The following USP12 variants were observed in gnomAD, a reference collection of about 807,000 sequenced individuals.
The protein encoded by USP12 is ubiquitin specific peptidase 12, also known as ubiquitin carboxyl-terminal hydrolase 12.
A neutral mutation model predicts 45.5 loss-of-function variants in USP12; 19 were observed. The ratio of observed to expected loss-of-function variants is 0.42; its 90% CI spans 0.29 to 0.61. USP12 has a LOEUF of 0.61. Ranked by LOEUF, USP12 falls within the 20% of genes least tolerant of loss-of-function variation. The pLI is 0.22. For missense variants in USP12, 242 were observed against 447.7 expected, an observed-to-expected ratio of 0.54 and a Z score of 4.15; for synonymous variants, 149 against 148.8, an observed-to-expected ratio of 1.00 and a Z score of -0.01.
intron 3 of USP12, among the ~76,000 whole-genome samples, chr13:27,096,971 C>A (rs903335705): frequency 2.0e-5 from 3 of 151,744 alleles, no homozygotes; most frequent in Admixed American, 6.6e-5. Flanking sequence ...AAATTAAGTT[C>A]TATGTATTAG....
chr13:27,119,763 G>C (rs532165656), intron 1 of USP12, among the ~76,000 whole-genome samples: 8 of 152,356 alleles, frequency 5.3e-5, no homozygotes, highest in African/African-American at 1.9e-4. Flanking sequence ...TGATGGCTAG[G>C]ACAGACTGAC....
chr13:27,087,251 ATGTGTGTGTGTGTGTG>A (rs55816785), intron 6 of USP12, among the ~76,000 whole-genome samples: 35 of 143,772 alleles, frequency 2.4e-4, no homozygotes, highest in East Asian at 4.1e-4. Flanking sequence ...GTGGGGAGGG[ATGTGTGTGTGTGTGTG>A]TGTGTGTGTG....
At position 27,105,877 on chromosome 13, in the gene USP12, T is replaced by C. The variant is rs1294085712; in HGVS notation, c.197A>G (p.Lys66Arg). 5.6e-6 allele frequency: 9 copies of C among 1,613,684 alleles called. No individual in the cohort carries two copies. Among genetic ancestry groups the C allele is most frequent in the Non-Finnish European group, 7.6e-6 (9 of 1,179,830 alleles). The change falls in exon 3 of 9, where the codon AAA becomes AGA. Residue 66 changes from lysine to arginine, a missense_variant. Lys to Arg is a conservative substitution (Grantham distance 26, BLOSUM62 2). Coordinates refer to ENST00000282344, the MANE Select transcript of USP12 (RefSeq NM_182488.4). Reference protein sequence around the residue: ...ALYFCRPFREKVLAYKSQPRK... With the variant: ...ALYFCRPFRERVLAYKSQPRK... ...AGGTTGACTCTTATACGCAAGAACT[T>C]TTTCCCGAAATGGACGACAAAAATA... is the stretch of plus-strand genomic sequence containing the variant.
intron 1 of USP12, among the ~76,000 whole-genome samples, chr13:27,145,285 C>G (rs761758706): frequency 1.3e-5 from 2 of 152,132 alleles, no homozygotes; most frequent in Non-Finnish European, 2.9e-5. Context: ...AATGGTAGCT[C>G]CTAAGAATCA....
chr13:27,136,355 G>A (rs1023545740), intron 1 of USP12, among the ~76,000 whole-genome samples: 3 of 152,080 alleles, frequency 2.0e-5, no homozygotes, highest in Non-Finnish European at 2.9e-5. Flanking sequence ...AAAATCAGCC[G>A]GGCATGGTGG....
intron 1 of USP12, 34 bp downstream of exon 1, chr13:27,171,558 C>T (rs2137856770): frequency 8.1e-7 from 1 of 1,230,490 alleles, no homozygotes; most frequent in Non-Finnish European, 1.1e-6. Context: ...CGAGAGGTCC[C>T]GGCAGCCCCG....
chr13:27,088,940 G>A (rs1874191992), intron 6 of USP12, among the ~76,000 whole-genome samples: 1 of 152,158 alleles, frequency 6.6e-6, no homozygotes, highest in Admixed American at 6.5e-5. Context: ...AACAGGACAT[G>A]ATGAGAAAAA....
At chr13:27,121,388 A>G (rs1437064046) in intron 1 of USP12, among the ~76,000 whole-genome samples, 1 of 152,164 alleles carries the variant, frequency 6.6e-6, no homozygotes, top group Non-Finnish European at 1.5e-5. Flanking sequence ...TCCACTCCAC[A>G]AAAGGCAGAA....
In USP12 at chr13:27,069,183, T is replaced by G. The variant is rs1873124442; in HGVS notation, c.*100A>C. ...CAAAGTGTGCTACTGCCCCCTGAGC[T>G]TCCTGCATTTCTCTTTTCTTGAAAA... On this transcript the variant is annotated 3_prime_UTR_variant, in exon 9 of 9. Transcript: ENST00000282344. 2.0e-6 allele frequency: 2 copies of G among 997,618 alleles called. No homozygotes were observed. The highest frequency in any genetic ancestry group is 3.1e-6 in the Non-Finnish European group (2 of 639,632). 61.8% of individuals were successfully genotyped at this position (997,618 alleles called of 1,614,324 possible). A position where few individuals can be genotyped will look rare whatever the true frequency, so the allele number is the denominator to read the frequency against.
In USP12 at chr13:27,090,132, T is replaced by TA; in HGVS notation, c.599dup (p.Leu200PhefsTer6). ...TTTGTTCCACGTCAACAGAAAGGTC[T>TA]AAAAAATCTTCATCTTTGCTGCTTA... On this transcript the variant is annotated frameshift_variant, in exon 5 of 9. Transcript: ENST00000282344. LOFTEE classifies it high-confidence loss of function. 6.3e-7 allele frequency: 1 copy of TA among 1,577,744 alleles called. No individual in the cohort carries two copies. The highest frequency in any genetic ancestry group is 8.7e-7 in the Non-Finnish European group (1 of 1,154,588).
chr13:27,108,951 T>TA (rs2137789950), intron 2 of USP12, among the ~76,000 whole-genome samples: 1 of 152,284 alleles, frequency 6.6e-6, no homozygotes, highest in South Asian at 2.1e-4. Flanking sequence ...CAAAAAAAGA[T>TA]ACATATGTGT....
At chr13:27,141,193 T>C (rs552349194) in intron 1 of USP12, among the ~76,000 whole-genome samples, 1 of 152,144 alleles carries the variant, frequency 6.6e-6, no homozygotes, top group Non-Finnish European at 1.5e-5. Context: ...TTTTTGTATT[T>C]TTAGTGGAGA....
intron 1 of USP12, among the ~76,000 whole-genome samples, chr13:27,138,658 G>A (rs1035948875): frequency 6.6e-6 from 1 of 152,068 alleles, no homozygotes; most frequent in Admixed American, 6.6e-5. Context: ...CATTATGACT[G>A]GTTTCACTTC....
At chr13:27,139,573 G>A (rs1461525947) in intron 1 of USP12, among the ~76,000 whole-genome samples, 5 of 152,092 alleles carry the variant, frequency 3.3e-5, no homozygotes, top group South Asian at 2.1e-4. Flanking sequence ...CCGAGATCGC[G>A]CCACTGCACT....
intron 1 of USP12, among the ~76,000 whole-genome samples, chr13:27,168,020 C>A (rs1379971308): frequency 6.6e-6 from 1 of 152,220 alleles, no homozygotes; most frequent in African/African-American, 2.4e-5. Flanking sequence ...CAGCCAGTTT[C>A]ACCTGTGCCT....
At chr13:27,078,770 G>C (rs2137758029) in intron 6 of USP12, among the ~76,000 whole-genome samples, 1 of 152,116 alleles carries the variant, frequency 6.6e-6, no homozygotes, top group Middle Eastern at 3.4e-3. Context: ...TGCATAATCA[G>C]AATTGGAATC....
chr13:27,122,600 CG>C (rs1227069517), intron 1 of USP12, among the ~76,000 whole-genome samples: 1 of 151,774 alleles, frequency 6.6e-6, no homozygotes, highest in Admixed American at 6.6e-5. Flanking sequence ...TGCAGTGAGC[CG>C]GGAGTGTGCC....
Position 27,089,786 on chromosome 13 carries a change from T to C in USP12, c.734+97A>G, listed in dbSNP as rs544013738. ...TAGTGATAGAATTAAGAATTTTTAC[T>C]CAATGTAAATTTTCCTAGATTGTTT... On this transcript the variant is annotated intron_variant, in intron 6 of 8. Coordinates refer to ENST00000282344, the MANE Select transcript of USP12 (RefSeq NM_182488.4). 3.4e-5 allele frequency: 39 copies of C among 1,159,402 alleles called. No individual in the cohort carries two copies. The South Asian group carries it at 4.9e-4, about 15-fold the overall frequency. 71.8% of individuals were successfully genotyped at this position (1,159,402 alleles called of 1,614,324 possible). A position where few individuals can be genotyped will look rare whatever the true frequency, so the allele number is the denominator to read the frequency against.
chr13:27,078,950 G>A (rs1219493065), intron 6 of USP12, among the ~76,000 whole-genome samples: 1 of 151,400 alleles, frequency 6.6e-6, no homozygotes, highest in Non-Finnish European at 1.5e-5. Flanking sequence ...CAATAAAGAA[G>A]TCTCGATAAA....
Sources: gnomAD v4.1 joint callset for allele counts (sites outside exome capture counted in the v4.1 genomes callset) on GRCh38, gnomAD v4.1.1 for gene constraint, MANE v1.5 for transcripts, NCBI Gene and HGNC (gene_info 2026-07-23, HGNC 2026-07-21) for gene names.